Variants in NRG1 observed in about 807,000 individuals in gnomAD.
The protein encoded by NRG1 is pro-neuregulin-1, membrane-bound isoform.
A neutral mutation model predicts 63.8 loss-of-function variants in NRG1; 18 were observed. That is an observed-to-expected ratio of 0.28 (90% CI 0.19 to 0.42). NRG1 has a LOEUF of 0.42. NRG1 is among the 10% of genes least tolerant of loss of function. The probability of loss-of-function intolerance (pLI) is 1.00; values close to 1 mark genes in which losing one functional copy is unlikely to be tolerated. For missense variants in NRG1, 762 were observed against 814.7 expected (o/e 0.94, Z 0.79); for synonymous variants, 302 against 301.3 (o/e 1.00, Z -0.02).
intron 1 of NRG1, among the ~76,000 whole-genome samples, chr8:32,398,452 C>T (rs938753274): frequency 2.0e-5 from 3 of 151,610 alleles, no homozygotes; most frequent in Non-Finnish European, 4.4e-5. Flanking sequence ...ACTCTGTTAC[C>T]CAGGCTGGAG....
At chr8:32,506,212 C>T (rs763060057) in intron 1 of NRG1, among the ~76,000 whole-genome samples, 4 of 152,102 alleles carry the variant, frequency 2.6e-5, no homozygotes, top group Non-Finnish European at 5.9e-5. Flanking sequence ...CGCAACACTG[C>T]GCTCCAGCCT....
At chr8:32,169,103 A>C (rs1404230316) in intron 1 of NRG1, among the ~76,000 whole-genome samples, 1 of 152,168 alleles carries the variant, frequency 6.6e-6, no homozygotes, top group East Asian at 1.9e-4. Context: ...TTAAGCTTCT[A>C]AAATGGGCAA....
At chr8:31,857,171 C>T (rs903077798) in intron 1 of NRG1, among the ~76,000 whole-genome samples, 24 of 152,244 alleles carry the variant, frequency 1.6e-4, no homozygotes, top group African/African-American at 5.1e-4. Flanking sequence ...GCTTTGTTTA[C>T]CTAAGCAAGC....
At chr8:31,948,909 A>T (rs1301434266) in intron 1 of NRG1, among the ~76,000 whole-genome samples, 1 of 151,790 alleles carries the variant, frequency 6.6e-6, no homozygotes, top group Non-Finnish European at 1.5e-5. Flanking sequence ...AATTCAGAGG[A>T]CTCTTCTGGC....
chr8:32,691,080 A>T (rs902021705), intron 5 of NRG1, among the ~76,000 whole-genome samples: 1 of 151,994 alleles, frequency 6.6e-6, no homozygotes, highest in Non-Finnish European at 1.5e-5. Context: ...GCTGTGGATC[A>T]CACCTGTAAA....
At chr8:32,182,739 C>A (rs1841564871) in intron 1 of NRG1, among the ~76,000 whole-genome samples, 1 of 152,048 alleles carries the variant, frequency 6.6e-6, no homozygotes, top group Non-Finnish European at 1.5e-5. Context: ...AATATAAAAT[C>A]TTTACAAAAC....
intron 1 of NRG1, among the ~76,000 whole-genome samples, chr8:32,089,508 AT>A (rs199867713): frequency 4.3e-4 from 65 of 150,844 alleles, no homozygotes; most frequent in African/African-American, 7.8e-4. Context: ...CAAACGGAAA[AT>A]TTTTTTTTTA....
chr8:31,959,778 G>A (rs906913842), intron 1 of NRG1, among the ~76,000 whole-genome samples: 6 of 116,070 alleles, frequency 5.2e-5, no homozygotes, highest in Admixed American at 9.9e-5. Flanking sequence ...AGCAACCACC[G>A]ATTATTTATT....
At chr8:32,476,273 GAT>G (rs1173824702) in intron 1 of NRG1, among the ~76,000 whole-genome samples, 1 of 152,188 alleles carries the variant, frequency 6.6e-6, no homozygotes, top group Non-Finnish European at 1.5e-5. Flanking sequence ...GGCTCTAAGA[GAT>G]AGAGCAGCTG....
chr8:32,341,136 T>C (rs1392778446), intron 1 of NRG1, among the ~76,000 whole-genome samples: 1 of 152,238 alleles, frequency 6.6e-6, no homozygotes, highest in Non-Finnish European at 1.5e-5. Context: ...GATAGGTCTA[T>C]AGATATACTG....
chr8:31,651,073 T>C (rs1257982386), intron 1 of NRG1, among the ~76,000 whole-genome samples: 2 of 152,346 alleles, frequency 1.3e-5, no homozygotes, highest in African/African-American at 4.8e-5. Flanking sequence ...TATTTAGTGT[T>C]GTTCTCAGGA....
At chr8:32,439,553 C>T (rs1208768523) in intron 1 of NRG1, among the ~76,000 whole-genome samples, 2 of 152,092 alleles carry the variant, frequency 1.3e-5, no homozygotes, top group African/African-American at 4.8e-5. Context: ...TCGACCTTTG[C>T]TCCCCAAACC....
intron 1 of NRG1, among the ~76,000 whole-genome samples, chr8:32,101,300 G>A (rs539835826): frequency 6.6e-6 from 1 of 152,176 alleles, no homozygotes; most frequent in Admixed American, 6.5e-5. Flanking sequence ...CACAATCTCA[G>A]TGGAAGAGTT....
chr8:31,929,155 A>T (rs1834661670), intron 1 of NRG1, among the ~76,000 whole-genome samples: 1 of 152,218 alleles, frequency 6.6e-6, no homozygotes, highest in African/African-American at 2.4e-5. Flanking sequence ...TCCCAACCAG[A>T]AGTTAATTTT....
At chr8:32,737,015 T>A (rs1250609336) in intron 6 of NRG1, among the ~76,000 whole-genome samples, 1 of 152,132 alleles carries the variant, frequency 6.6e-6, no homozygotes, top group Non-Finnish European at 1.5e-5. Context: ...ATATTAACAG[T>A]ATATTGAAGT....
At chr8:31,998,402 A>G (rs903407823) in intron 1 of NRG1, among the ~76,000 whole-genome samples, 1 of 152,178 alleles carries the variant, frequency 6.6e-6, no homozygotes, top group Admixed American at 6.6e-5. Flanking sequence ...GATACTTGGT[A>G]AAATCTCTAA....
chr8:32,458,140 T>G (rs1270173450), intron 1 of NRG1, among the ~76,000 whole-genome samples: 1 of 152,052 alleles, frequency 6.6e-6, no homozygotes. Flanking sequence ...ATGGTCTCGA[T>G]CTCTTGACTT....
chr8:32,121,803 G>C (rs1033682636), intron 1 of NRG1, among the ~76,000 whole-genome samples: 1 of 151,906 alleles, frequency 6.6e-6, no homozygotes, highest in African/African-American at 2.4e-5. Flanking sequence ...CCCAGGTTAA[G>C]AATTCCTGCC....
In NRG1 at chr8:31,937,067, A is replaced by G. The variant is rs1325548880; in HGVS notation, c.37+297636A>G. Among the ~76,000 whole-genome samples, 8 of 152,224 alleles carry G rather than the reference A, an allele frequency of 5.3e-5. No homozygotes were observed. The East Asian group carries it at 1.5e-3, about 29-fold the overall frequency. ...ATTTTTCATTGCCAACATCTCATAC[A>G]TAAACTTATATAAGCTTCTACAACC... On this transcript the variant is annotated intron_variant, in intron 1 of 10. Coordinates refer to the NRG1 transcript ENST00000519301.
Sources: allele counts gnomAD v4.1 joint callset (sites outside exome capture counted in the v4.1 genomes callset), GRCh38; gene constraint gnomAD v4.1.1; transcripts MANE v1.5; gene names NCBI Gene and HGNC (gene_info 2026-07-23, HGNC 2026-07-21).